The following ARPP21 variants were observed in gnomAD, a reference collection of about 807,000 sequenced individuals.
ARPP21 encodes cAMP regulated phosphoprotein 21.
In ARPP21, 69 loss-of-function variants were observed where a neutral mutation model predicts 113.2. That is an observed-to-expected ratio of 0.61 (90% CI 0.50 to 0.74). The LOEUF is 0.74. ARPP21 is among the 30% of genes least tolerant of loss of function. The pLI, the probability that ARPP21 is intolerant of heterozygous loss-of-function variation, is 0.00. For missense variants in ARPP21, 1,070 were observed against 1,037.4 expected (o/e 1.03, Z -0.43); for synonymous variants, 368 against 375.5 (o/e 0.98, Z 0.23).
chr3:35,720,870 CT>C (rs1367749328), intron 13 of ARPP21, among the ~76,000 whole-genome samples: 1 of 152,048 alleles, frequency 6.6e-6, no homozygotes, highest in African/African-American at 2.4e-5. Flanking sequence ...ACCTGAGGAG[CT>C]TTTTTTGTTA....
At chr3:35,715,763 C>T (rs1559721474) in intron 12 of ARPP21, 1 of 225,848 alleles carries the variant, frequency 4.4e-6, no homozygotes, top group Non-Finnish European at 8.8e-6. Flanking sequence ...TTACCTTCAC[C>T]AGGCATTAAG....
chr3:35,792,519 T>C lies in ARPP21; in HGVS notation c.2275T>C (p.Ser759Pro). ...QSVMVSYPTM[S>P]SYQVPMTQGS... ...CGTGATGGTTTCCTACCCAACAATG[T>C]CTTCTTATCAGGTGCTCATAAGCAG... is the stretch of plus-strand genomic sequence containing the variant. The change falls in exon 20 of 21, where the codon TCT becomes CCT. Residue 759 changes from serine (S) to proline (P), a missense_variant. Transcript: ENST00000684406. The C allele has an allele frequency of 6.2e-7, 1 of 1,614,066 alleles. No individual in the cohort carries two copies. Among genetic ancestry groups the C allele is most frequent in the East Asian group, 2.2e-5 (1 of 44,878 alleles).
chr3:35,649,349 G>T lies in ARPP21; in HGVS notation c.-213+8951G>T, dbSNP rs536049421. On this transcript the variant is annotated intron_variant, in intron 1 of 20. Coordinates refer to ENST00000684406, the MANE Select transcript of ARPP21 (RefSeq NM_001385562.1). ...GTTTCTTCCTCAGATCTCAGACAAT[G>T]ACTAGGGATTTTATGGGAATAACAA... Among the ~76,000 whole-genome samples, 6 of 152,226 alleles carry T rather than the reference G, an allele frequency of 3.9e-5. No individual in the cohort carries two copies. The South Asian group carries it at 8.3e-4, about 21-fold the overall frequency.
chr3:35,688,405 G>A lies in ARPP21; in HGVS notation c.406+522G>A, dbSNP rs997520367. Reference sequence around the variant, plus strand: ...CTGAACCCATCTACTATCAAGTAATGTTTATTTAAGAAATACCCACTTCTA... The same window carrying A: ...CTGAACCCATCTACTATCAAGTAATATTTATTTAAGAAATACCCACTTCTA... On this transcript the variant is annotated intron_variant, in intron 6 of 20. Coordinates refer to ENST00000684406, the MANE Select transcript of ARPP21 (RefSeq NM_001385562.1). Among the ~76,000 whole-genome samples, 3 of 151,664 alleles carry A rather than the reference G, an allele frequency of 2.0e-5. No homozygotes were observed. The East Asian group carries it at 5.9e-4, about 30-fold the overall frequency.
intron 1 of ARPP21, among the ~76,000 whole-genome samples, chr3:35,644,372 A>T (rs1336435119): frequency 6.6e-6 from 1 of 151,976 alleles, no homozygotes; most frequent in Non-Finnish European, 1.5e-5. Context: ...ATCTATGAGG[A>T]TTAGATATGA....
intron 1 of ARPP21, among the ~76,000 whole-genome samples, chr3:35,667,876 AG>A (rs2074889831): frequency 7.4e-6 from 1 of 135,822 alleles, no homozygotes. Context: ...AAGAAGAAGA[AG>A]AAGAAGAAGA....
chr3:35,780,280 T>C (rs1352363310), intron 19 of ARPP21, among the ~76,000 whole-genome samples: 3 of 152,188 alleles, frequency 2.0e-5, no homozygotes, highest in African/African-American at 4.8e-5. Flanking sequence ...TAAGATATGC[T>C]TCTTTTCCTA....
At chr3:35,694,711 A>G (rs2083306157) in intron 9 of ARPP21, among the ~76,000 whole-genome samples, 2 of 151,158 alleles carry the variant, frequency 1.3e-5, no homozygotes, top group South Asian at 4.1e-4. Flanking sequence ...TTGGCTAAAA[A>G]TTGCAATCCT....
At chr3:35,665,771 T>A (rs989961571) in intron 1 of ARPP21, among the ~76,000 whole-genome samples, 23 of 152,180 alleles carry the variant, frequency 1.5e-4, no homozygotes, top group Non-Finnish European at 3.2e-4. Context: ...TTAATACAAC[T>A]TCCCCCTGGA....
At chr3:35,771,592 G>C (rs1172167060) in intron 19 of ARPP21, among the ~76,000 whole-genome samples, 2 of 152,178 alleles carry the variant, frequency 1.3e-5, no homozygotes, top group African/African-American at 4.8e-5. Flanking sequence ...GCCTCCCAAA[G>C]TGCTGGGATT....
chr3:35,739,314 CA>C lies in ARPP21; in HGVS notation c.1750-2del. The C allele has an allele frequency of 6.2e-7, 1 of 1,612,678 alleles. No individual in the cohort carries two copies. The highest frequency in any genetic ancestry group is 8.5e-7 in the Non-Finnish European group (1 of 1,179,204). ...TTCCCTCATTTATTTCCATGACTTG[CA>C]GAGAGATGATGTGGCAACACAGTTT... On this transcript the variant is annotated splice_acceptor_variant, in intron 17 of 20. Transcript: ENST00000684406. LOFTEE classifies it high-confidence loss of function.
At chr3:35,732,053 C>T (rs1369052373) in intron 15 of ARPP21, among the ~76,000 whole-genome samples, 4 of 152,148 alleles carry the variant, frequency 2.6e-5, no homozygotes, top group Admixed American at 6.5e-5. Flanking sequence ...TATCTACTAC[C>T]CATTATATAT....
intron 15 of ARPP21, 140 bp downstream of exon 15, chr3:35,729,676 T>C: frequency 1.4e-6 from 1 of 699,252 alleles, no homozygotes; most frequent in Non-Finnish European, 2.4e-6. Context: ...GAAGCATTTT[T>C]GTTTAGAAAG....
intron 19 of ARPP21, among the ~76,000 whole-genome samples, chr3:35,748,058 A>AGAAGGAAGGAAGGAAGGAAG (rs754411154): frequency 2.3e-4 from 19 of 82,712 alleles, no homozygotes; most frequent in South Asian, 8.2e-4. Flanking sequence ...AAGAAAAGGA[A>AGAAGGAAGGAAGGAAGGAAG]GAAGGAAGGA....
At chr3:35,788,525 A>G (rs948134932) in intron 19 of ARPP21, among the ~76,000 whole-genome samples, 2 of 152,202 alleles carry the variant, frequency 1.3e-5, no homozygotes, top group Non-Finnish European at 2.9e-5. Context: ...TGCTTGGTAT[A>G]GAAATTTGCT....
intron 19 of ARPP21, among the ~76,000 whole-genome samples, chr3:35,764,753 G>C (rs2095898813): frequency 6.6e-6 from 1 of 152,090 alleles, no homozygotes; most frequent in African/African-American, 2.4e-5. Context: ...TATACATTTT[G>C]TTTTTCTAAC....
intron 13 of ARPP21, among the ~76,000 whole-genome samples, chr3:35,721,078 G>C (rs1217379887): frequency 1.3e-5 from 2 of 152,112 alleles, no homozygotes; most frequent in Non-Finnish European, 2.9e-5. Flanking sequence ...CAAAGCCTTG[G>C]TGATTTCAGA....
intron 1 of ARPP21, among the ~76,000 whole-genome samples, chr3:35,662,240 A>G (rs1436732650): frequency 1.3e-5 from 2 of 152,202 alleles, no homozygotes. Context: ...ATGTAGTTTT[A>G]ATACTTTTAT....
At chr3:35,661,254 T>G (rs949052610) in intron 1 of ARPP21, among the ~76,000 whole-genome samples, 2 of 152,284 alleles carry the variant, frequency 1.3e-5, no homozygotes, top group Middle Eastern at 3.4e-3. Context: ...AATTTAATAT[T>G]CTCTCATTGA....
Sources: allele counts gnomAD v4.1 joint callset (sites outside exome capture counted in the v4.1 genomes callset), GRCh38; gene constraint gnomAD v4.1.1; transcripts MANE v1.5; gene names NCBI Gene and HGNC (gene_info 2026-07-23, HGNC 2026-07-21).